The following MVP variants were observed in gnomAD, a reference collection of about 807,000 sequenced individuals.
MVP encodes the protein major vault protein.
A neutral mutation model predicts 83.5 loss-of-function variants in MVP; 62 were observed. That is an observed-to-expected ratio of 0.74 (90% confidence interval 0.61 to 0.92). The LOEUF is 0.92. Among genes scored for constraint, MVP ranks in the 40% least tolerant of loss-of-function variants. The probability of loss-of-function intolerance (pLI) is 0.00; values close to 1 mark genes in which losing one functional copy is unlikely to be tolerated. For synonymous variants in MVP, 505 were observed against 504.1 expected (o/e 1.00, Z -0.02); for missense variants, 1,000 against 1,203.4 (o/e 0.83, Z 2.50).
chr16:29,843,962 T>C (rs953907448), intron 10 of MVP, among the ~76,000 whole-genome samples: 2 of 152,044 alleles, frequency 1.3e-5, no homozygotes, highest in Non-Finnish European at 2.9e-5. Context: ...GCCAGTGCCC[T>C]GATGGCGGCA....
intron 10 of MVP, among the ~76,000 whole-genome samples, chr16:29,843,597 G>A (rs2067555966): frequency 7.4e-6 from 1 of 134,748 alleles, no homozygotes; most frequent in Admixed American, 7.3e-5. Context: ...AGGAAGGGAG[G>A]GAGGGAGGGT....
chr16:29,847,625 G>A (rs531534024), intron 14 of MVP, 137 bp from the exon 15 acceptor site: 38 of 1,006,372 alleles, frequency 3.8e-5, no homozygotes, highest in Middle Eastern at 2.9e-4. Flanking sequence ...CAGTCTGACA[G>A]GCATTTCCAA....
Position 29,842,000 on chromosome 16 carries a change from C to A in MVP, c.1522C>A (p.Pro508Thr). 2.5e-6 allele frequency: 4 copies of A among 1,612,308 alleles called. No homozygotes were observed. The highest frequency in any genetic ancestry group is 3.4e-6 in the Non-Finnish European group (4 of 1,180,030). Reference protein sequence around the residue: ...LSLSAGRPKRPHARRALCLLL... With the variant: ...LSLSAGRPKRTHARRALCLLL... ...CCTCTCAGCTGGGCGGCCCAAGCGT[C>A]CCCATGCCCGCCGTGCGCTCTGCCT... is the stretch of plus-strand genomic sequence containing the variant. The change falls in exon 10 of 15, where the codon CCC (proline) becomes ACC (threonine). Residue 508 changes from proline (P) to threonine (T), a missense_variant. Pro to Thr is a conservative substitution (Grantham distance 38, BLOSUM62 -1). Transcript: ENST00000357402. The surrounding 1 kb of genome is among the most constrained non-coding windows in gnomAD (Gnocchi z 4.7).
At chr16:29,845,679 G>T (rs2067578354) in intron 11 of MVP, among the ~76,000 whole-genome samples, 184 bp from the exon 12 acceptor site, 1 of 152,210 alleles carries the variant, frequency 6.6e-6, no homozygotes, top group African/African-American at 2.4e-5. Context: ...GCCTGCATTT[G>T]TCCGGCCTAG....
intron 1 of MVP, chr16:29,820,991 G>GC (rs2067354590): frequency 6.6e-6 from 1 of 152,414 alleles, no homozygotes; most frequent in African/African-American, 2.4e-5. Flanking sequence ...ACTCCTCCAT[G>GC]CAGGGCTGGG....
chr16:29,824,499 T>C (rs1322626923), intron 1 of MVP, among the ~76,000 whole-genome samples: 1 of 152,054 alleles, frequency 6.6e-6, no homozygotes, highest in Non-Finnish European at 1.5e-5. Flanking sequence ...GTGTGGTGGT[T>C]CACGCCTGTA....
At chr16:29,843,725 A>G (rs749176232) in intron 10 of MVP, among the ~76,000 whole-genome samples, 1 of 151,954 alleles carries the variant, frequency 6.6e-6, no homozygotes, top group Non-Finnish European at 1.5e-5. Flanking sequence ...TGTCTCTACT[A>G]AAAATACAAA....
chr16:29,847,940 A>G lies in MVP; in HGVS notation c.2633A>G (p.Gln878Arg). ...PGEGISPQSA[Q>R]APQAPGDNHV... ...GAGGGGATATCCCCCCAGTCTGCTC[A>G]GGCCCCTCAAGCTCCTGGAGACAAC... The change falls in exon 15 of 15, where the codon CAG becomes CGG. Residue 878 changes from glutamine to arginine, a missense_variant. By Grantham distance (43) the Gln-to-Arg change is conservative (BLOSUM62 1). Transcript: ENST00000357402. 3 of 1,612,046 alleles carry G rather than the reference A, an allele frequency of 1.9e-6. No individual in the cohort carries two copies. Among genetic ancestry groups the G allele is most frequent in the Non-Finnish European group, 2.5e-6 (3 of 1,179,436 alleles).
intron 3 of MVP, among the ~76,000 whole-genome samples, chr16:29,832,274 A>ACCTTTTTCACT (rs1490205502): frequency 6.9e-6 from 1 of 145,172 alleles, no homozygotes; most frequent in African/African-American, 2.5e-5. Context: ...AGTGAAAAGT[A>ACCTTTTTCACT]TATAGGGATT....
intron 1 of MVP, among the ~76,000 whole-genome samples, chr16:29,829,352 T>C (rs2067425241): frequency 6.7e-6 from 1 of 150,154 alleles, no homozygotes; most frequent in African/African-American, 2.5e-5. Context: ...CATGGTGGCA[T>C]GTACCTGTAG....
chr16:29,837,189 C>T (rs1321258357), intron 7 of MVP, among the ~76,000 whole-genome samples: 1 of 152,220 alleles, frequency 6.6e-6, no homozygotes, highest in African/African-American at 2.4e-5. Flanking sequence ...TCCTGGCTAC[C>T]CGCTGCCTGA....
At chr16:29,828,106 A>T (rs1031003915) in intron 1 of MVP, among the ~76,000 whole-genome samples, 1 of 151,606 alleles carries the variant, frequency 6.6e-6, no homozygotes, top group Non-Finnish European at 1.5e-5. Flanking sequence ...GATTACAGGC[A>T]CGTGCCACCA....
intron 7 of MVP, among the ~76,000 whole-genome samples, chr16:29,839,783 C>CAAAAAAAAAAAAAAAAAAAA (rs71373206): frequency 2.1e-5 from 1 of 47,368 alleles, no homozygotes; most frequent in Non-Finnish European, 3.5e-5. Flanking sequence ...AAGACTATCT[C>CAAAAAAAAAAAAAAAAAAAA]AAAAAAAAAA....
Position 29,827,929 on chromosome 16 carries a change from A to G in MVP, c.-35-2586A>G, listed in dbSNP as rs139188731. ...GACCTTGTCTCAAAAAATAATTTAA[A>G]AATTTAGTTCCTCAGATGCATTAGC... On this transcript the variant is annotated intron_variant, in intron 1 of 14. Coordinates refer to ENST00000357402, the MANE Select transcript of MVP (RefSeq NM_005115.5). 3.3e-3 allele frequency among the ~76,000 whole-genome samples: 497 copies of G among 152,200 alleles called. 2 individuals are homozygous for G. Among genetic ancestry groups the G allele is most frequent in the African/African-American group, 0.011 (470 of 41,512 alleles).
In MVP at chr16:29,836,656, A is replaced by G. The variant is rs533141382; in HGVS notation, c.673-66A>G. ...GAGCATTGGGAGCATTTGGTGGCCA[A>G]TGGGGCTCGCAGATCCCCTGAAGTT... On this transcript the variant is annotated intron_variant, in intron 6 of 14. Transcript: ENST00000357402. 131 of 1,333,678 alleles carry G rather than the reference A, an allele frequency of 9.8e-5. No homozygotes were observed. The Admixed American group carries it at 2.0e-3, about 21-fold the overall frequency. 82.6% of individuals were successfully genotyped at this position (1,333,678 alleles called of 1,614,324 possible). A position where few individuals can be genotyped will look rare whatever the true frequency, so the allele number is the denominator to read the frequency against.
At chr16:29,829,765 A>G (rs1202907819) in intron 1 of MVP, 1 of 152,232 alleles carries the variant, frequency 6.6e-6, no homozygotes, top group Admixed American at 6.6e-5. Context: ...AGAACTGGGG[A>G]CGAGGGGGCC....
chr16:29,828,380 T>A (rs779475928), intron 1 of MVP, among the ~76,000 whole-genome samples: 1 of 152,006 alleles, frequency 6.6e-6, no homozygotes, highest in African/African-American at 2.4e-5. Context: ...GTAAAAGGGT[T>A]TTTTTGGTTT....
At chr16:29,825,420 A>G (rs2067398217) in intron 1 of MVP, among the ~76,000 whole-genome samples, 1 of 152,208 alleles carries the variant, frequency 6.6e-6, no homozygotes, top group African/African-American at 2.4e-5. Flanking sequence ...TGTCATCTGG[A>G]AGGAAACCAC....
chr16:29,841,904 T>C lies in MVP; in HGVS notation c.1437-11T>C, dbSNP rs1222828421. 5.0e-6 allele frequency: 8 copies of C among 1,611,540 alleles called. 1 individual carries two copies. The highest frequency in any genetic ancestry group is 6.8e-6 in the Non-Finnish European group (8 of 1,179,986). Reference sequence around the variant, plus strand: ...CATGGGTCTGGCTCTGACCCTCGGCTGTCTCTGCAGCGTGGTCTTCGGGCC... The same window carrying C: ...CATGGGTCTGGCTCTGACCCTCGGCCGTCTCTGCAGCGTGGTCTTCGGGCC... On this transcript the variant is annotated splice_polypyrimidine_tract_variant and intron_variant, in intron 9 of 14. Coordinates refer to ENST00000357402, the MANE Select transcript of MVP (RefSeq NM_005115.5). The surrounding 1 kb of genome is among the most constrained non-coding windows in gnomAD (Gnocchi z 4.7).
Sources: allele counts gnomAD v4.1 joint callset (sites outside exome capture counted in the v4.1 genomes callset), GRCh38; gene constraint gnomAD v4.1.1; non-coding constraint Gnocchi (gnomAD v3.1); transcripts MANE v1.5; gene names NCBI Gene and HGNC (gene_info 2026-07-23, HGNC 2026-07-21).